Variants in SPTBN1 observed in about 807,000 individuals in gnomAD.
SPTBN1 encodes the protein spectrin beta, non-erythrocytic 1, also known as spectrin beta chain, non-erythrocytic 1.
A neutral mutation model predicts 266.4 loss-of-function variants in SPTBN1; 32 were observed. The ratio of observed to expected loss-of-function variants is 0.12; its 90% confidence interval spans 0.09 to 0.16. SPTBN1 has a LOEUF of 0.16. Ranked by LOEUF, SPTBN1 falls within the 10% of genes least tolerant of loss-of-function variation. SPTBN1 has a pLI of 1.00. For synonymous variants in SPTBN1, 1,336 were observed against 1,162.2 expected (o/e 1.15, Z -3.04); for missense variants, 2,296 against 3,067.1 (o/e 0.75, Z 5.94).
At chr2:54,622,550 C>G in intron 9 of SPTBN1, 63 bp downstream of exon 9, 2 of 1,552,588 alleles carry the variant, frequency 1.3e-6, no homozygotes, top group East Asian at 2.3e-5. Flanking sequence ...GCCAACAGAT[C>G]CCTATGTTCT....
At chr2:54,619,158 C>A (rs1677830757) in intron 7 of SPTBN1, among the ~76,000 whole-genome samples, 1 of 152,204 alleles carries the variant, frequency 6.6e-6, no homozygotes, top group African/African-American at 2.4e-5. Flanking sequence ...AAGTTTAACT[C>A]CCCAAAGGCA....
At chr2:54,543,656 C>T (rs1178803309) in intron 2 of SPTBN1, among the ~76,000 whole-genome samples, 4 of 152,088 alleles carry the variant, frequency 2.6e-5, no homozygotes, top group African/African-American at 9.7e-5. Context: ...ACTGTACTTT[C>T]CTGTTTCGGA....
At chr2:54,619,718 C>G (rs1312561128) in intron 7 of SPTBN1, among the ~76,000 whole-genome samples, 1 of 152,106 alleles carries the variant, frequency 6.6e-6, no homozygotes, top group African/African-American at 2.4e-5. Context: ...GGCATTTTTT[C>G]TGGCTGTCCT....
intron 2 of SPTBN1, among the ~76,000 whole-genome samples, chr2:54,574,559 G>A (rs1674326752): frequency 6.6e-6 from 1 of 152,158 alleles, no homozygotes; most frequent in African/African-American, 2.4e-5. Context: ...GCCTTTGGAG[G>A]TCAGGTCTTC....
rs1672996196 is a variant in SPTBN1 at position 54,558,026 on chromosome 2, C to T, written c.148+31460C>T. The T allele has an allele frequency of 4.1e-6, 4 of 985,402 alleles. No individual in the cohort carries two copies. Among genetic ancestry groups the T allele is most frequent in the Non-Finnish European group, 4.8e-6 (4 of 829,926 alleles). 61.0% of individuals were successfully genotyped at this position (985,402 alleles called of 1,614,324 possible). A position where few individuals can be genotyped will look rare whatever the true frequency, so the allele number is the denominator to read the frequency against. ...GCGCGGGCCCGGGACCCTTGGGGCTCTTCACTCTCCAGGCCGTCCCGTGGG... is the reference window on the plus strand; with the variant it reads ...GCGCGGGCCCGGGACCCTTGGGGCTTTTCACTCTCCAGGCCGTCCCGTGGG... On this transcript the variant is annotated intron_variant, in intron 2 of 35. Coordinates refer to ENST00000356805, the MANE Select transcript of SPTBN1 (RefSeq NM_003128.3). This position sits in a 1 kb window ranked among gnomAD's most constrained non-coding sequence, Gnocchi z 4.6.
intron 27 of SPTBN1, 101 bp from the exon 28 acceptor site, chr2:54,654,969 C>A: frequency 1.5e-6 from 1 of 651,002 alleles, no homozygotes; most frequent in South Asian, 3.2e-5. Context: ...CAGTTTCTTT[C>A]AAGGCCATCA....
Position 54,628,362 on chromosome 2 carries a change from G to C in SPTBN1, c.1798+112G>C, listed in dbSNP as rs1193050583. ...GCCACTATACATTCCTGGTGGGTTT[G>C]TCATGGGAGCATGAAATACGGTGGA... On this transcript the variant is annotated intron_variant, in intron 13 of 35. Coordinates refer to ENST00000356805, the MANE Select transcript of SPTBN1 (RefSeq NM_003128.3). This position sits in a 1 kb window ranked among gnomAD's most constrained non-coding sequence, Gnocchi z 4.3. 7.5e-7 allele frequency: 1 copy of C among 1,335,698 alleles called. No homozygotes were observed. The highest frequency in any genetic ancestry group is 1.5e-5 in the African/African-American group (1 of 66,698). 82.7% of individuals were successfully genotyped at this position (1,335,698 alleles called of 1,614,324 possible).
chr2:54,652,864 G>A (rs1680386910), intron 26 of SPTBN1: 1 of 146,370 alleles, frequency 6.8e-6, no homozygotes, highest in African/African-American at 2.6e-5. Context: ...GTGTTGGTTT[G>A]TTGGTTTTTT....
chr2:54,648,885 T>A, intron 24 of SPTBN1, 101 bp from the exon 25 acceptor site: 1 of 1,075,456 alleles, frequency 9.3e-7, no homozygotes, highest in East Asian at 2.6e-5. Flanking sequence ...AGAAATATGA[T>A]GTAATATGCT....
Position 54,649,567 on chromosome 2 carries a change from C to G in SPTBN1, c.5203-48C>G, listed in dbSNP as rs777425488. The G allele has an allele frequency of 3.8e-6, 6 of 1,582,358 alleles. No individual in the cohort carries two copies. Among genetic ancestry groups the G allele is most frequent in the Non-Finnish European group, 4.3e-6 (5 of 1,160,596 alleles). ...AGGGTATTCATGTGATCAAGAAATA[C>G]AGAGTTCACAGTGGGCTCTCTGATT... On this transcript the variant is annotated intron_variant, in intron 25 of 35. Transcript: ENST00000356805. The surrounding 1 kb of genome is among the most constrained non-coding windows in gnomAD (Gnocchi z 6.7).
intron 2 of SPTBN1, among the ~76,000 whole-genome samples, chr2:54,579,468 C>A (rs1285231794): frequency 6.6e-6 from 1 of 152,194 alleles, no homozygotes. Context: ...GGGACCGTGG[C>A]CCCCAATGAG....
rs78470465 is a variant in SPTBN1 at position 54,618,854 on chromosome 2, G to A, written c.763+661G>A. The stretch of plus-strand genomic sequence containing the variant: ...TTCTTACAGCTGCATCCCATTATCT[G>A]CACGGAACTAATCCCTCTTTACTCT... On this transcript the variant is annotated intron_variant, in intron 7 of 35. Transcript: ENST00000356805. 8.0e-3 allele frequency among the ~76,000 whole-genome samples: 1,211 copies of A among 152,250 alleles called. 13 individuals are homozygous for A. The highest frequency in any genetic ancestry group is 0.065 in the South Asian group (314 of 4,824).
chr2:54,665,861 G>A, intron 33 of SPTBN1, 54 bp from the exon 34 acceptor site: 1 of 1,550,218 alleles, frequency 6.5e-7, no homozygotes, highest in Non-Finnish European at 8.7e-7. Context: ...AGTTCTTTAA[G>A]GGGAATGTGG....
rs1479186519 is a variant in SPTBN1 at position 54,611,598 on chromosome 2, C to G, written c.301-563C>G. ...TGGGGTATTTAAATTGCACTACACT[C>G]ATTTTTTTCCCTTTTCCCCTTCTTT... is the stretch of plus-strand genomic sequence containing the variant. On this transcript the variant is annotated intron_variant, in intron 3 of 35. Coordinates refer to ENST00000356805, the MANE Select transcript of SPTBN1 (RefSeq NM_003128.3). 2.6e-5 allele frequency among the ~76,000 whole-genome samples: 4 copies of G among 152,136 alleles called. No homozygotes were observed. In the South Asian group the frequency reaches 6.2e-4, roughly 24 times the overall value.
At chr2:54,523,207 G>T (rs1573330414) in intron 1 of SPTBN1, among the ~76,000 whole-genome samples, 1 of 152,148 alleles carries the variant, frequency 6.6e-6, no homozygotes, top group African/African-American at 2.4e-5. Context: ...ATACTTACTC[G>T]ATTAGATTTC....
intron 32 of SPTBN1, chr2:54,661,578 C>G (rs1681049304): frequency 1.0e-6 from 1 of 985,684 alleles, no homozygotes. Context: ...GGGTAGTATG[C>G]ATCATTATTG....
intron 4 of SPTBN1, among the ~76,000 whole-genome samples, chr2:54,613,464 T>C (rs1677368303): frequency 6.6e-6 from 1 of 152,188 alleles, no homozygotes; most frequent in Non-Finnish European, 1.5e-5. Flanking sequence ...CTTCAGTTAG[T>C]GTCGTGATTA....
chr2:54,491,612 T>C (rs1410604643), intron 1 of SPTBN1, among the ~76,000 whole-genome samples: 2 of 152,130 alleles, frequency 1.3e-5, no homozygotes, highest in East Asian at 1.9e-4. Context: ...TCTTTTTTTT[T>C]TGGAGACAAG....
intron 1 of SPTBN1, among the ~76,000 whole-genome samples, chr2:54,488,171 A>T (rs959996108): frequency 1.3e-5 from 2 of 152,120 alleles, no homozygotes; most frequent in African/African-American, 4.8e-5. Flanking sequence ...CACTAGGTCC[A>T]GGAGTCTGTA....
Sources: allele counts gnomAD v4.1 joint callset (sites outside exome capture counted in the v4.1 genomes callset), GRCh38; gene constraint gnomAD v4.1.1; non-coding constraint Gnocchi (gnomAD v3.1); transcripts MANE v1.5; gene names NCBI Gene and HGNC (gene_info 2026-07-23, HGNC 2026-07-21).